Variants in ANK3 observed in about 807,000 individuals in gnomAD.
The protein encoded by ANK3 is ankyrin-3.
A neutral mutation model predicts 370.9 loss-of-function variants in ANK3; 57 were observed. The ratio of observed to expected loss-of-function variants is 0.15; its 90% confidence interval spans 0.12 to 0.19. The LOEUF is 0.19. Among genes scored for constraint, ANK3 ranks in the 10% least tolerant of loss-of-function variants. The pLI, the probability that ANK3 is intolerant of heterozygous loss-of-function variation, is 1.00. For synonymous variants in ANK3, 1,929 were observed against 1,946.3 expected, an observed-to-expected ratio of 0.99 and a Z score of 0.23; for missense variants, 4,439 against 5,302.1, an observed-to-expected ratio of 0.84 and a Z score of 5.06.
chr10:60,349,971 T>G (rs1315909108), intron 1 of ANK3, among the ~76,000 whole-genome samples: 1 of 152,176 alleles, frequency 6.6e-6, no homozygotes, highest in Non-Finnish European at 1.5e-5. Context: ...TAGGATACAA[T>G]GGTGAGAATA....
At chr10:60,661,188 C>T (rs186439518) in intron 1 of ANK3, among the ~76,000 whole-genome samples, 99 of 148,992 alleles carry the variant, frequency 6.6e-4, no homozygotes, top group African/African-American at 1.6e-3. Context: ...CTGTCAATGA[C>T]GGAACCATAA....
At chr10:60,214,009 A>C (rs998493355) in intron 8 of ANK3, among the ~76,000 whole-genome samples, 3 of 152,154 alleles carry the variant, frequency 2.0e-5, no homozygotes, top group Non-Finnish European at 2.9e-5. Flanking sequence ...AGGTTGAAAT[A>C]TTTCCTGACA....
chr10:60,528,300 C>A (rs1251383114), intron 2 of ANK3, among the ~76,000 whole-genome samples: 1 of 151,804 alleles, frequency 6.6e-6, no homozygotes, highest in Non-Finnish European at 1.5e-5. Flanking sequence ...CCATACCTGG[C>A]TAATTTTATA....
chr10:60,229,793 T>G (rs968221424), intron 8 of ANK3, among the ~76,000 whole-genome samples: 1 of 152,214 alleles, frequency 6.6e-6, no homozygotes, highest in African/African-American at 2.4e-5. Context: ...TTCAATATAT[T>G]CAGCAAACAC....
chr10:60,066,121 A>C (rs181096925), intron 38 of ANK3, among the ~76,000 whole-genome samples: 222 of 152,316 alleles, frequency 1.5e-3, no homozygotes, highest in African/African-American at 5.2e-3. Flanking sequence ...TAGAGAAGTT[A>C]ATTATTTTAA....
intron 2 of ANK3, among the ~76,000 whole-genome samples, chr10:60,399,411 A>G (rs990240929): frequency 6.6e-6 from 1 of 152,050 alleles, no homozygotes; most frequent in Non-Finnish European, 1.5e-5. Flanking sequence ...CATGCACAAA[A>G]TTGTTATTCA....
intron 1 of ANK3, among the ~76,000 whole-genome samples, chr10:60,346,803 A>T (rs976253895): frequency 2.6e-5 from 4 of 152,022 alleles, no homozygotes; most frequent in Non-Finnish European, 5.9e-5. Context: ...CCAATCATAC[A>T]GACTTATTCT....
At chr10:60,715,062 G>A (rs1272040689) in intron 1 of ANK3, among the ~76,000 whole-genome samples, 8 of 152,008 alleles carry the variant, frequency 5.3e-5, no homozygotes. Context: ...ATTAACAGGG[G>A]AAACCATGTA....
chr10:60,597,592 T>G (rs918756798), intron 2 of ANK3, among the ~76,000 whole-genome samples: 1 of 152,164 alleles, frequency 6.6e-6, no homozygotes, highest in Non-Finnish European at 1.5e-5. Flanking sequence ...CAAGGCTTCT[T>G]GTCATCTCCC....
chr10:60,495,252 C>T (rs1347162697), intron 2 of ANK3, among the ~76,000 whole-genome samples: 2 of 152,124 alleles, frequency 1.3e-5, no homozygotes, highest in African/African-American at 4.8e-5. Flanking sequence ...ATAGTAAGAT[C>T]CCTGAGGTTA....
intron 42 of ANK3, among the ~76,000 whole-genome samples, chr10:60,046,105 C>T (rs945190066): frequency 1.8e-4 from 27 of 152,092 alleles, no homozygotes; most frequent in African/African-American, 6.3e-4. Context: ...TTTGAATCAG[C>T]GCAGTGAAGA....
chr10:60,175,900 G>A (rs1270184452), intron 18 of ANK3, among the ~76,000 whole-genome samples: 2 of 152,192 alleles, frequency 1.3e-5, no homozygotes, highest in Non-Finnish European at 2.9e-5. Flanking sequence ...GTTGTCATAA[G>A]GATTAACTGT....
chr10:60,168,590 G>T (rs929837192), intron 21 of ANK3, among the ~76,000 whole-genome samples: 2 of 152,032 alleles, frequency 1.3e-5, no homozygotes, highest in African/African-American at 2.4e-5. Flanking sequence ...GGACATGCAG[G>T]TTTGTTACAT....
At chr10:60,514,953 C>T (rs1213379258) in intron 2 of ANK3, among the ~76,000 whole-genome samples, 1 of 152,048 alleles carries the variant, frequency 6.6e-6, no homozygotes, top group East Asian at 1.9e-4. Flanking sequence ...CTAACTAGAT[C>T]TCTAGGCTCT....
rs184837292 is a variant in ANK3 at position 60,340,309 on chromosome 10, T to C, written c.114+49116A>G. Among the ~76,000 whole-genome samples, 84 of 152,276 alleles carry C rather than the reference T, an allele frequency of 5.5e-4. 1 individual carries two copies. The East Asian group carries it at 0.012, about 21-fold the overall frequency. On this transcript the variant is annotated intron_variant, in intron 1 of 43. Transcript: ENST00000280772. Reference sequence around the variant, plus strand: ...ACTATAATGGCGTGATTATAGCTCATTGCATCTTTGAACTACTGGAGTCAG... The same window carrying C: ...ACTATAATGGCGTGATTATAGCTCACTGCATCTTTGAACTACTGGAGTCAG...
chr10:60,052,131 C>A (rs975116928), intron 42 of ANK3, among the ~76,000 whole-genome samples: 7 of 152,058 alleles, frequency 4.6e-5, no homozygotes, highest in Admixed American at 4.6e-4. Context: ...GAGGCCAAGG[C>A]GGGTGGATCA....
chr10:60,343,369 A>G (rs556792627), intron 1 of ANK3, among the ~76,000 whole-genome samples: 1 of 152,284 alleles, frequency 6.6e-6, no homozygotes, highest in East Asian at 1.9e-4. Flanking sequence ...TATTTTACAT[A>G]GTACTCTCTA....
intron 1 of ANK3, among the ~76,000 whole-genome samples, chr10:60,625,946 CA>C (rs2078404297): frequency 6.6e-6 from 1 of 152,102 alleles, no homozygotes; most frequent in Admixed American, 6.6e-5. Context: ...CAATGACATT[CA>C]AAGCTGTCAA....
At chr10:60,179,685 GAAA>G (rs59353719) in intron 18 of ANK3, among the ~76,000 whole-genome samples, 5 of 140,002 alleles carry the variant, frequency 3.6e-5, no homozygotes, top group Non-Finnish European at 3.1e-5. Context: ...CCTCTTGGAG[GAAA>G]AAAAAAAAAA....
Sources: allele counts gnomAD v4.1 joint callset (sites outside exome capture counted in the v4.1 genomes callset), GRCh38; gene constraint gnomAD v4.1.1; transcripts MANE v1.5; gene names NCBI Gene and HGNC (gene_info 2026-07-23, HGNC 2026-07-21).